SMCO4: variants seen among roughly 807,000 people sequenced by gnomAD.
SMCO4 encodes the protein single-pass membrane protein with coiled-coil domains 4, also known as single-pass membrane and coiled-coil domain-containing protein 4.
SMCO4 carries 4 observed loss-of-function variants against 3.6 expected under a neutral mutation model. That is an observed-to-expected ratio of 1.11 (90% CI 0.54 to 2.53). The LOEUF (loss-of-function observed/expected upper bound fraction) is 2.53. Ranked by LOEUF, SMCO4 falls within the 30% of genes most tolerant of loss-of-function variation. SMCO4 has a pLI of 0.02. For missense variants in SMCO4, 70 were observed against 80.8 expected (o/e 0.87, Z 0.51); for synonymous variants, 36 against 35.3 (o/e 1.02, Z -0.07).
intron 1 of SMCO4, among the ~76,000 whole-genome samples, chr11:93,534,223 C>T (rs1412622126): frequency 1.9e-4 from 1 of 5,214 alleles, no homozygotes; most frequent in Non-Finnish European, 3.4e-4. Flanking sequence ...TATACACACA[C>T]ACACACACAC....
At chr11:93,490,008 G>A (rs1485803173) in intron 2 of SMCO4, among the ~76,000 whole-genome samples, 5 of 152,174 alleles carry the variant, frequency 3.3e-5, no homozygotes, top group African/African-American at 1.2e-4. Context: ...GTAAGTGCAG[G>A]CTCGTCCTCA....
intron 1 of SMCO4, among the ~76,000 whole-genome samples, chr11:93,514,413 T>TATATATATATATACATACAC (rs781423008): frequency 2.9e-5 from 1 of 33,950 alleles, no homozygotes; most frequent in Non-Finnish European, 7.1e-5. Context: ...TATATATATA[T>TATATATATATATACATACAC]ATATATATAA....
chr11:93,488,224 G>A (rs1279648752), intron 2 of SMCO4, among the ~76,000 whole-genome samples: 2 of 152,238 alleles, frequency 1.3e-5, no homozygotes, highest in Non-Finnish European at 2.9e-5. Context: ...CAGACCCTCA[G>A]GCGGGGCATC....
upstream of SMCO4, among the ~76,000 whole-genome samples, chr11:93,548,205 C>T (rs1176644591): frequency 6.6e-6 from 1 of 152,116 alleles, no homozygotes; most frequent in African/African-American, 2.4e-5. Flanking sequence ...GTAATCAGAG[C>T]AATGTAAAGC....
intron 1 of SMCO4, among the ~76,000 whole-genome samples, chr11:93,536,306 C>T (rs11601368): frequency 0.12 from 18,343 of 152,194 alleles, 1,445 homozygotes; most frequent in Non-Finnish European, 0.18. Context: ...TAACATTTGA[C>T]ATGCCAATTC....
intron 1 of SMCO4, among the ~76,000 whole-genome samples, chr11:93,521,230 G>A (rs763686773): frequency 3.9e-5 from 6 of 152,196 alleles, no homozygotes; most frequent in Non-Finnish European, 8.8e-5. Flanking sequence ...AGAGCTACAA[G>A]TTTAGATCAA....
At chr11:93,526,975 A>G (rs1949114059) in intron 1 of SMCO4, among the ~76,000 whole-genome samples, 1 of 152,178 alleles carries the variant, frequency 6.6e-6, no homozygotes, top group Non-Finnish European at 1.5e-5. Context: ...AGGACCTTCT[A>G]GAGACAGAAT....
At chr11:93,481,096 C>T (rs1055498203) in intron 2 of SMCO4, among the ~76,000 whole-genome samples, 2 of 152,252 alleles carry the variant, frequency 1.3e-5, no homozygotes, top group South Asian at 2.1e-4. Context: ...TATAGGAACC[C>T]CTGGCTTTAC....
At chr11:93,499,555 T>C (rs538944723) in intron 1 of SMCO4, among the ~76,000 whole-genome samples, 2 of 152,328 alleles carry the variant, frequency 1.3e-5, no homozygotes, top group South Asian at 2.1e-4. Flanking sequence ...ATGTGCGTGA[T>C]GGACAGGACC....
At chr11:93,532,330 A>C (rs1949171176) in intron 1 of SMCO4, among the ~76,000 whole-genome samples, 1 of 152,250 alleles carries the variant, frequency 6.6e-6, no homozygotes, top group Non-Finnish European at 1.5e-5. Context: ...GGGTGTTTCC[A>C]GAACAGACTG....
chr11:93,508,117 A>T (rs1355351013), intron 1 of SMCO4, among the ~76,000 whole-genome samples: 1 of 152,178 alleles, frequency 6.6e-6, no homozygotes, highest in Non-Finnish European at 1.5e-5. Context: ...AATCTATACA[A>T]ACAAAAGCTC....
chr11:93,499,705 T>C (rs1431487191), intron 1 of SMCO4, among the ~76,000 whole-genome samples: 1 of 152,202 alleles, frequency 6.6e-6, no homozygotes, highest in Admixed American at 6.5e-5. Flanking sequence ...GGCTGTTCCC[T>C]GCAATCAAAA....
At chr11:93,538,864 C>A (rs907172144) in intron 1 of SMCO4, among the ~76,000 whole-genome samples, 4 of 152,184 alleles carry the variant, frequency 2.6e-5, no homozygotes, top group Non-Finnish European at 5.9e-5. Context: ...TTCTCTACAC[C>A]TAATTTCTAC....
chr11:93,546,461 G>A (rs577349916), upstream of SMCO4, among the ~76,000 whole-genome samples: 4 of 152,296 alleles, frequency 2.6e-5, no homozygotes, highest in South Asian at 6.2e-4. Flanking sequence ...CCACTTGATT[G>A]TAAGCTCCTT....
chr11:93,550,357 G>A, the SMCO4 span, among the ~76,000 whole-genome samples: 2,218 of 152,228 alleles, frequency 0.015, 48 homozygotes, highest in Middle Eastern at 0.041. Flanking sequence ...TCCCCAGGGT[G>A]TATCATTAAA....
chr11:93,497,387 T>G (rs1481270851), intron 2 of SMCO4, among the ~76,000 whole-genome samples: 1 of 152,238 alleles, frequency 6.6e-6, no homozygotes, highest in Non-Finnish European at 1.5e-5. Flanking sequence ...AGTAAGACAA[T>G]GCAGCATTCA....
upstream of SMCO4, among the ~76,000 whole-genome samples, chr11:93,546,487 T>C (rs1235810102): frequency 6.6e-6 from 1 of 152,214 alleles, no homozygotes. Context: ...CAATTACATT[T>C]ATTGGCATGG....
chr11:93,528,363 A>G (rs527688898), intron 1 of SMCO4, among the ~76,000 whole-genome samples: 2 of 152,356 alleles, frequency 1.3e-5, no homozygotes, highest in South Asian at 4.1e-4. Context: ...TGAGAAAAGA[A>G]CAAGGAGATC....
At chr11:93,533,567 G>A (rs1047487643) in intron 1 of SMCO4, among the ~76,000 whole-genome samples, 4 of 152,110 alleles carry the variant, frequency 2.6e-5, no homozygotes, top group Non-Finnish European at 1.5e-5. Context: ...CAGCCACCTC[G>A]AAATAAAGGG....
Sources: gnomAD v4.1 joint callset for allele counts (sites outside exome capture counted in the v4.1 genomes callset) on GRCh38, gnomAD v4.1.1 for gene constraint, MANE v1.5 for transcripts, NCBI Gene and HGNC (gene_info 2026-07-23, HGNC 2026-07-21) for gene names.